MLXIP: variants seen among roughly 807,000 people sequenced by gnomAD.
The protein encoded by MLXIP is MLX-interacting protein.
In MLXIP, 30 loss-of-function variants were observed where a neutral mutation model predicts 87.2. That is an observed-to-expected ratio of 0.34 (90% CI 0.26 to 0.47). The LOEUF (loss-of-function observed/expected upper bound fraction) is 0.47, where lower values mean the gene tolerates loss of function less well. Ranked by LOEUF, MLXIP falls within the 20% of genes least tolerant of loss-of-function variation. MLXIP has a pLI of 1.00. For missense variants in MLXIP, 1,002 were observed against 1,240.1 expected (o/e 0.81, Z 2.88); for synonymous variants, 530 against 514.0 (o/e 1.03, Z -0.42).
chr12:122,102,928 G>A (rs756392684), intron 1 of MLXIP, among the ~76,000 whole-genome samples: 2 of 152,222 alleles, frequency 1.3e-5, no homozygotes, highest in Non-Finnish European at 2.9e-5. Flanking sequence ...TAACTAAAGA[G>A]TGTGGGCATT....
At position 122,127,350 on chromosome 12, in the gene MLXIP, T is replaced by A; in HGVS notation, c.508T>A (p.Trp170Arg). 6.2e-7 allele frequency: 1 copy of A among 1,611,286 alleles called. No individual in the cohort carries two copies. Among genetic ancestry groups the A allele is most frequent in the Non-Finnish European group, 8.5e-7 (1 of 1,178,548 alleles). Residue 170 changes from tryptophan to arginine, a missense_variant, in exon 2 of 17, where the codon TGG becomes AGG. Trp to Arg is a moderately radical substitution (Grantham distance 101, BLOSUM62 -3). This residue lies in a region of MLXIP where 127 missense variants were observed against 239.0 expected (regional missense o/e 0.53). Transcript: ENST00000319080. ...IRLNNAIWRA[W>R]YMQYLEKRKN... Reference sequence around the variant, plus strand: ...GCTCAATAATGCCATCTGGCGGGCCTGGTACATGCAGTGTAAGTGCCGCCC... The same window carrying A: ...GCTCAATAATGCCATCTGGCGGGCCAGGTACATGCAGTGTAAGTGCCGCCC...
At position 122,129,211 on chromosome 12, in the gene MLXIP, C is replaced by G. The variant is rs1172258608; in HGVS notation, c.681C>G (p.Thr227=). 2 of 1,609,592 alleles carry G rather than the reference C, an allele frequency of 1.2e-6. No individual in the cohort carries two copies. Among genetic ancestry groups the G allele is most frequent in the Non-Finnish European group, 1.7e-6 (2 of 1,178,000 alleles). Residue 227 remains threonine (T), a synonymous_variant, in exon 4 of 17, where the codon ACC becomes ACG. Transcript: ENST00000319080. ...IVIREYHKWR[T]YFKKRLQQHK... ...TCCGGGAGTATCACAAGTGGAGAACCTACTTCAAGAAAAGGGTATCTGGCT... is the reference window on the plus strand; with the variant it reads ...TCCGGGAGTATCACAAGTGGAGAACGTACTTCAAGAAAAGGGTATCTGGCT...
chr12:122,119,880 G>A (rs1952752312), intron 1 of MLXIP, among the ~76,000 whole-genome samples: 1 of 152,192 alleles, frequency 6.6e-6, no homozygotes, highest in African/African-American at 2.4e-5. Flanking sequence ...GTGTTGATGG[G>A]CAGTTGTCAG....
Position 122,142,102 on chromosome 12 carries a change from C to A in MLXIP, c.*290C>A. 1 of 697,496 alleles carries A rather than the reference C, an allele frequency of 1.4e-6. No homozygotes were observed. 43.2% of individuals were successfully genotyped at this position (697,496 alleles called of 1,614,324 possible). The stretch of plus-strand genomic sequence containing the variant: ...AGCCCACACAAAAGGGAAGTGCTGG[C>A]CGTGCTGGTCCTGCCCTGCTGGTGG... On this transcript the variant is annotated 3_prime_UTR_variant, in exon 17 of 17. Transcript: ENST00000319080.
chr12:122,093,487 TGTG>T (rs1254245412), intron 1 of MLXIP, among the ~76,000 whole-genome samples: 10 of 135,120 alleles, frequency 7.4e-5, no homozygotes, highest in African/African-American at 3.1e-4. Flanking sequence ...TGGTGTGTGG[TGTG>T]TGTGTGCGGT....
At position 122,135,498 on chromosome 12, in the gene MLXIP, G is replaced by A. The variant is rs572961590; in HGVS notation, c.1864G>A (p.Val622Ile). ...TCCCATGTCACTGCAGGCTCCTGGG[G>A]TCCCGGAGTTCCACAGCAGCATCCT... The part of the protein sequence containing the change: ...APAAIARAPG[V>I]PEFHSSILVT... The change falls in exon 11 of 17, where the codon GTC becomes ATC. Residue 622 changes from valine (V) to isoleucine (I), a missense_variant. This residue lies in a region of MLXIP where 746 missense variants were observed against 897.0 expected (regional missense o/e 0.83). Coordinates refer to ENST00000319080, the MANE Select transcript of MLXIP (RefSeq NM_014938.6). The surrounding 1 kb of genome is among the most constrained non-coding windows in gnomAD (Gnocchi z 5.3). 7 of 1,609,716 alleles carry A rather than the reference G, an allele frequency of 4.3e-6. No homozygotes were observed. The highest frequency in any genetic ancestry group is 2.7e-5 in the African/African-American group (2 of 74,986).
intron 1 of MLXIP, among the ~76,000 whole-genome samples, chr12:122,090,709 A>G (rs547093242): frequency 2.6e-5 from 4 of 152,324 alleles, no homozygotes; most frequent in Admixed American, 2.0e-4. Context: ...TGGCTTTATC[A>G]TGAGCAAGTA....
At chr12:122,094,613 G>C (rs1200387877) in intron 1 of MLXIP, among the ~76,000 whole-genome samples, 1 of 143,876 alleles carries the variant, frequency 7.0e-6, no homozygotes, top group East Asian at 2.1e-4. Flanking sequence ...TGTGTGTGTG[G>C]TGTATGTTTT....
intron 6 of MLXIP, 24 bp from the exon 7 acceptor site, chr12:122,130,820 T>C (rs1023273719): frequency 1.3e-6 from 2 of 1,563,158 alleles, no homozygotes; most frequent in Non-Finnish European, 1.8e-6. Flanking sequence ...GACAAAATGG[T>C]TCCTCTCTCT....
rs1025963497 is a variant in MLXIP at position 122,137,872 on chromosome 12, G to T, written c.2154+282G>T. Among the ~76,000 whole-genome samples, 2 of 152,238 alleles carry T rather than the reference G, an allele frequency of 1.3e-5. No homozygotes were observed. The highest frequency in any genetic ancestry group is 2.9e-5 in the Non-Finnish European group (2 of 68,042). ...GCTGCCCGCATCAGTTGCAGGAGGG[G>T]TGTGGCCACCACCAGAGCTGTGCTG... On this transcript the variant is annotated intron_variant, in intron 12 of 16. Coordinates refer to ENST00000319080, the MANE Select transcript of MLXIP (RefSeq NM_014938.6). The surrounding 1 kb of genome is among the most constrained non-coding windows in gnomAD (Gnocchi z 4.1).
chr12:122,080,786 A>G (rs914426838), intron 1 of MLXIP, among the ~76,000 whole-genome samples: 3 of 152,220 alleles, frequency 2.0e-5, no homozygotes, highest in African/African-American at 2.4e-5. Flanking sequence ...GAGCAGTTCC[A>G]TTGGAATCAA....
At position 122,078,977 on chromosome 12, in the gene MLXIP, C is replaced by T; in HGVS notation, c.124C>T (p.Pro42Ser). The change falls in exon 1 of 17, where the codon CCC (proline) becomes TCC (serine). Residue 42 changes from proline to serine, a missense_variant. Transcript: ENST00000319080. ...GGACACGGATGAGCCGTCCCCGCCGCCCGCCTCCGGCGCGGCCACCCCGGC... is the reference window on the plus strand; with the variant it reads ...GGACACGGATGAGCCGTCCCCGCCGTCCGCCTCCGGCGCGGCCACCCCGGC... Reference protein sequence around the residue: ...DSDTDEPSPPPASGAATPARA... With the variant: ...DSDTDEPSPPSASGAATPARA... 2.8e-6 allele frequency: 3 copies of T among 1,087,256 alleles called. No individual in the cohort carries two copies. The highest frequency in any genetic ancestry group is 2.2e-6 in the Non-Finnish European group (2 of 892,266). 67.4% of individuals were successfully genotyped at this position (1,087,256 alleles called of 1,614,324 possible).
chr12:122,114,780 CTG>C (rs1952664066), intron 1 of MLXIP, among the ~76,000 whole-genome samples: 2 of 144,484 alleles, frequency 1.4e-5, no homozygotes, highest in South Asian at 2.2e-4. Flanking sequence ...GGGTCTCACT[CTG>C]TTGCCCAGAC....
chr12:122,085,170 G>T (rs1435988057), intron 1 of MLXIP, among the ~76,000 whole-genome samples: 1 of 152,040 alleles, frequency 6.6e-6, no homozygotes, highest in Non-Finnish European at 1.5e-5. Context: ...CCTCCCTGCT[G>T]GCGAAACCCT....
intron 1 of MLXIP, among the ~76,000 whole-genome samples, chr12:122,123,938 A>G (rs1172393529): frequency 1.3e-5 from 2 of 152,182 alleles, no homozygotes; most frequent in Non-Finnish European, 2.9e-5. Flanking sequence ...GCCAGGCAGA[A>G]GGAACTGTGT....
At chr12:122,108,893 AAG>A (rs534249291) in intron 1 of MLXIP, among the ~76,000 whole-genome samples, 1 of 152,188 alleles carries the variant, frequency 6.6e-6, no homozygotes, top group African/African-American at 2.4e-5. Context: ...GGGTAAATGA[AAG>A]AGAGAGACAT....
At chr12:122,141,629 C>T (rs887733953) in intron 16 of MLXIP, 62 bp from the exon 17 acceptor site, 26 of 1,588,022 alleles carry the variant, frequency 1.6e-5, no homozygotes, top group African/African-American at 1.2e-4. Context: ...GGTACAAAGC[C>T]GAGTGTGCGG....
chr12:122,098,063 G>T (rs2135921439), intron 1 of MLXIP, among the ~76,000 whole-genome samples: 1 of 152,380 alleles, frequency 6.6e-6, no homozygotes, highest in East Asian at 1.9e-4. Context: ...GGCAGGGCCT[G>T]TGTGGAGCCA....
rs568760093 is a variant in MLXIP, at chr12:122,131,055, A to G, written c.1000+122A>G. On this transcript the variant is annotated intron_variant, in intron 7 of 16. Transcript: ENST00000319080. ...GAATGGGCAAGGGGGCGAGCAAAGA[A>G]TTTTTTTTTAAACTGAACTGTTTTT... The G allele has an allele frequency of 6.2e-4, 412 of 662,840 alleles. 1 individual carries two copies. Among genetic ancestry groups the G allele is most frequent in the Middle Eastern group, 3.9e-3 (12 of 3,072 alleles). 41.1% of individuals were successfully genotyped at this position (662,840 alleles called of 1,614,324 possible). A position where few individuals can be genotyped will look rare whatever the true frequency, so the allele number is the denominator to read the frequency against.
Sources: gnomAD v4.1 joint callset for allele counts (sites outside exome capture counted in the v4.1 genomes callset) on GRCh38, gnomAD v4.1.1 for gene constraint, gnomAD v4.1.1 regional missense constraint, Gnocchi (gnomAD v3.1) non-coding constraint, MANE v1.5 for transcripts, NCBI Gene and HGNC (gene_info 2026-07-23, HGNC 2026-07-21) for gene names.